TMEM245: variants seen among roughly 807,000 people sequenced by gnomAD.
TMEM245 encodes the protein protein CG-2.
TMEM245 carries 69 observed loss-of-function variants against 101.2 expected under a neutral mutation model. The ratio of observed to expected loss-of-function variants is 0.68; its 90% CI spans 0.56 to 0.83. The LOEUF is 0.83. TMEM245 is among the 40% of genes least tolerant of loss of function. The probability of loss-of-function intolerance (pLI) is 0.00; values close to 1 mark genes in which losing one functional copy is unlikely to be tolerated. For missense variants in TMEM245, 1,075 were observed against 1,092.8 expected (o/e 0.98, Z 0.23); for synonymous variants, 537 against 449.8 (o/e 1.19, Z -2.45).
At chr9:109,021,264 C>T (rs1461195228) in intron 17 of TMEM245, among the ~76,000 whole-genome samples, 1 of 152,122 alleles carries the variant, frequency 6.6e-6, no homozygotes, top group Non-Finnish European at 1.5e-5. Flanking sequence ...ATGGCCAGGT[C>T]AGAATTTATC....
chr9:109,083,926 A>AAC (rs1829757157), intron 7 of TMEM245, among the ~76,000 whole-genome samples: 1 of 141,274 alleles, frequency 7.1e-6, no homozygotes, highest in Non-Finnish European at 1.5e-5. Flanking sequence ...AAAAAAAAAA[A>AAC]AAACACCAGG....
chr9:109,051,904 A>T (rs1828698000), intron 12 of TMEM245, among the ~76,000 whole-genome samples: 1 of 152,176 alleles, frequency 6.6e-6, no homozygotes, highest in Non-Finnish European at 1.5e-5. Context: ...ATCACAAGAA[A>T]AGCAATCAAC....
Position 109,015,149 on chromosome 9 carries a change from T to C in TMEM245, c.*5311A>G, listed in dbSNP as rs1443908200. 6.6e-6 allele frequency: 1 copy of C among 150,568 alleles called. No homozygotes were observed. The highest frequency in any genetic ancestry group is 2.5e-5 in the African/African-American group (1 of 40,070). The allele number at this position is 150,568 out of a possible 1,614,324, so 9.3% of individuals were successfully genotyped here. A position where few individuals can be genotyped will look rare whatever the true frequency, so the allele number is the denominator to read the frequency against. On this transcript the variant is annotated 3_prime_UTR_variant, in exon 18 of 18. Coordinates refer to ENST00000374586, the MANE Select transcript of TMEM245 (RefSeq NM_032012.4). ...CACACAGGAGATTAAGTTTACCACA[T>C]GATTCATTCAACACTAGTAATTTTA...
chr9:109,119,931 C>A lies in TMEM245; in HGVS notation c.-18G>T. 1 of 1,289,964 alleles carries A rather than the reference C, an allele frequency of 7.8e-7. No homozygotes were observed. Among genetic ancestry groups the A allele is most frequent in the Non-Finnish European group, 9.8e-7 (1 of 1,022,776 alleles). 79.9% of individuals were successfully genotyped at this position (1,289,964 alleles called of 1,614,324 possible). The stretch of plus-strand genomic sequence containing the variant: ...TCGGCCATCGTTCCTCCGCCACAGC[C>A]GCCCCCGAGGGGCGGTAATGGGAGT... On this transcript the variant is annotated 5_prime_UTR_variant, in exon 1 of 18. Transcript: ENST00000374586.
chr9:109,108,439 AAGAAG>A lies in TMEM245; in HGVS notation c.697+9_697+13del. 2.1e-6 allele frequency: 3 copies of A among 1,444,256 alleles called. No homozygotes were observed. Among genetic ancestry groups the A allele is most frequent in the Admixed American group, 2.5e-5 (1 of 39,698 alleles). The allele number at this position is 1,444,256 out of a possible 1,614,324, so 89.5% of individuals were successfully genotyped here. On this transcript the variant is annotated intron_variant, in intron 2 of 17. Coordinates refer to ENST00000374586, the MANE Select transcript of TMEM245 (RefSeq NM_032012.4). ...TAGACTTAAAAAAAAAAAAAAAAAA[AAGAAG>A]GAACCCACCTAAATGAAAAAGCAAT...
chr9:109,078,885 C>CCCACATGTT (rs1373671373), intron 8 of TMEM245, among the ~76,000 whole-genome samples: 4 of 152,180 alleles, frequency 2.6e-5, no homozygotes, highest in African/African-American at 9.6e-5. Flanking sequence ...TATTACATGT[C>CCCACATGTT]TGCTAGATGT....
intron 15 of TMEM245, 62 bp from the exon 16 acceptor site, chr9:109,036,442 G>T (rs538933016): frequency 1.4e-6 from 2 of 1,439,706 alleles, no homozygotes; most frequent in Non-Finnish European, 1.8e-6. Flanking sequence ...CAAAGCAAAA[G>T]AATCTAAGCA....
At chr9:109,037,966 G>A in intron 15 of TMEM245, 51 bp downstream of exon 15, 1 of 1,430,804 alleles carries the variant, frequency 7.0e-7, no homozygotes, top group Non-Finnish European at 9.4e-7. Flanking sequence ...ATGTAAAATG[G>A]CTTAACTTTC....
In TMEM245 at chr9:109,066,732, T is replaced by A. The variant is rs572896918; in HGVS notation, c.1533-2165A>T. ...ATTATATTGATATTATATATTATAA[T>A]GATAACACTCTCCTGTAGTGTTATT... On this transcript the variant is annotated intron_variant, in intron 9 of 17. Coordinates refer to ENST00000374586, the MANE Select transcript of TMEM245 (RefSeq NM_032012.4). Among the ~76,000 whole-genome samples, 3 of 152,036 alleles carry A rather than the reference T, an allele frequency of 2.0e-5. No homozygotes were observed. In the East Asian group the frequency reaches 5.8e-4, roughly 29 times the overall value.
chr9:109,108,489 A>T lies in TMEM245; in HGVS notation c.661T>A (p.Ser221Thr). The stretch of plus-strand genomic sequence containing the variant: ...AGCAATATAATCCAGACAGGAATTG[A>T]AACTGCTCTCAAGTAGCGTTCAGTG... ...ASTERYLRAVSIPVWIILLFH... is the reference protein window; with the variant it reads ...ASTERYLRAVTIPVWIILLFH... Residue 221 changes from serine to threonine, a missense_variant, in exon 2 of 18, where the codon TCA (serine) becomes ACA (threonine). Around this residue, in one of 2 missense-constraint regions of TMEM245, gnomAD observed 808 missense variants for 741.5 expected, o/e 1.09. Transcript: ENST00000374586. The T allele has an allele frequency of 6.2e-7, 1 of 1,604,694 alleles. No homozygotes were observed. The highest frequency in any genetic ancestry group is 8.5e-7 in the Non-Finnish European group (1 of 1,176,088).
chr9:109,080,339 T>C (rs191804667), intron 8 of TMEM245, among the ~76,000 whole-genome samples: 7 of 152,134 alleles, frequency 4.6e-5, no homozygotes, highest in Admixed American at 3.9e-4. Context: ...AGGTGTTCTT[T>C]AGAGAATAAT....
chr9:109,087,398 C>A, intron 5 of TMEM245, 56 bp from the exon 6 acceptor site: 1 of 1,456,166 alleles, frequency 6.9e-7, no homozygotes, highest in South Asian at 1.4e-5. Flanking sequence ...CAAGTTGTAA[C>A]ATGAAAAGGT....
At chr9:109,075,675 G>A (rs536885626) in intron 8 of TMEM245, among the ~76,000 whole-genome samples, 2 of 152,242 alleles carry the variant, frequency 1.3e-5, no homozygotes, top group South Asian at 2.1e-4. Context: ...TTCAAGATCC[G>A]TGACATATGC....
chr9:109,048,563 G>C (rs186542759), intron 14 of TMEM245, among the ~76,000 whole-genome samples: 1 of 152,138 alleles, frequency 6.6e-6, no homozygotes, highest in East Asian at 1.9e-4. Flanking sequence ...GGTTAACAAC[G>C]TATTAGAAAA....
chr9:109,033,198 T>C, intron 17 of TMEM245, 109 bp downstream of exon 17: 1 of 1,189,370 alleles, frequency 8.4e-7, no homozygotes, highest in Non-Finnish European at 1.1e-6. Context: ...ACAGCATTGG[T>C]ACTCAAATAC....
chr9:109,090,111 A>C (rs1829955522), intron 5 of TMEM245, among the ~76,000 whole-genome samples: 1 of 152,012 alleles, frequency 6.6e-6, no homozygotes, highest in African/African-American at 2.4e-5. Flanking sequence ...AATACAAAAA[A>C]TTAGCCAGGG....
intron 8 of TMEM245, among the ~76,000 whole-genome samples, chr9:109,078,934 T>A (rs1451577252): frequency 6.6e-6 from 1 of 152,176 alleles, no homozygotes; most frequent in African/African-American, 2.4e-5. Context: ...TCTGCTCATC[T>A]CCAATTGGAC....
At position 109,119,843 on chromosome 9, in the gene TMEM245, G is replaced by A. The variant is rs781320837; in HGVS notation, c.71C>T (p.Pro24Leu). The A allele has an allele frequency of 6.4e-5, 86 of 1,335,218 alleles. No individual in the cohort carries two copies. The African/African-American group carries it at 1.2e-3, about 18-fold the overall frequency. The allele number at this position is 1,335,218 out of a possible 1,614,324, so 82.7% of individuals were successfully genotyped here. ...RSSPGPAPRV[P>L]RAVGPSGGGG... ...ACCGCCACTCGGCCCGACCGCGCGC[G>A]GGACCCGCGGCGCCGGCCCGGGAGA... Residue 24 changes from proline (P) to leucine (L), a missense_variant, in exon 1 of 18, where the codon CCG becomes CTG. By Grantham distance (98) the Pro-to-Leu change is moderately conservative (BLOSUM62 -3). Around this residue, in one of 2 missense-constraint regions of TMEM245, gnomAD observed 808 missense variants for 741.5 expected, o/e 1.09. Transcript: ENST00000374586.
At position 109,032,374 on chromosome 9, in the gene TMEM245, T is replaced by TCC. The variant is rs1348046400; in HGVS notation, c.2594+932_2594+933insGG. ...TGTCCTATTTCTTTTCCTTTTTTTT[T>TCC]TTTTTTTTTTTTTTTTTTTTTTTTT... is the stretch of plus-strand genomic sequence containing the variant. On this transcript the variant is annotated intron_variant, in intron 17 of 17. Transcript: ENST00000374586. Among the ~76,000 whole-genome samples the TCC allele has an allele frequency of 1.2e-3, 55 of 47,720 alleles. 1 individual carries two copies. In the South Asian group the frequency reaches 0.04, roughly 35 times the overall value. The allele number at this position is 47,720 out of a possible 152,430, so 31.3% of individuals were successfully genotyped here. A position where few individuals can be genotyped will look rare whatever the true frequency, so the allele number is the denominator to read the frequency against.
Sources: gnomAD v4.1 joint callset for allele counts (sites outside exome capture counted in the v4.1 genomes callset) on GRCh38, gnomAD v4.1.1 for gene constraint, gnomAD v4.1.1 regional missense constraint, MANE v1.5 for transcripts, NCBI Gene and HGNC (gene_info 2026-07-23, HGNC 2026-07-21) for gene names.